The following EXTL3 variants were observed in gnomAD, a reference collection of about 807,000 sequenced individuals.
EXTL3 encodes the protein exostosin like glycosyltransferase 3.
A neutral mutation model predicts 69.3 loss-of-function variants in EXTL3; 27 were observed. The observed-to-expected ratio is 0.39, with a 90% CI of 0.29 to 0.54. The LOEUF (loss-of-function observed/expected upper bound fraction) is 0.54. Among genes scored for constraint, EXTL3 ranks in the 20% least tolerant of loss-of-function variants. The pLI is 0.69. For synonymous variants in EXTL3, 511 were observed against 499.4 expected (o/e 1.02, Z -0.31); for missense variants, 1,003 against 1,231.8 (o/e 0.81, Z 2.78).
At chr8:28,652,277 A>T (rs182113978) in intron 1 of EXTL3, among the ~76,000 whole-genome samples, 2 of 152,274 alleles carry the variant, frequency 1.3e-5, no homozygotes, top group South Asian at 2.1e-4. Flanking sequence ...TGTTTTCCAC[A>T]GTGGTTGCGT....
intron 1 of EXTL3, among the ~76,000 whole-genome samples, chr8:28,656,462 C>T (rs1032660054): frequency 6.6e-6 from 1 of 152,182 alleles, no homozygotes; most frequent in African/African-American, 2.4e-5. Flanking sequence ...TGCGCCCAAC[C>T]TGTTCAACTA....
chr8:28,619,845 CTTTTTTTTTTTTTTTTTTTTTTTTT>C (rs56276866), upstream of EXTL3, among the ~76,000 whole-genome samples: 30 of 50,852 alleles, frequency 5.9e-4, 2 homozygotes, highest in Admixed American at 3.5e-3. Context: ...GCTTCTGGTT[CTTTTTTTTTTTTTTTTTTTTTTTTT>C]TTTTTTTTTT....
At chr8:28,720,374 A>G (rs945347154) in intron 3 of EXTL3, among the ~76,000 whole-genome samples, 1 of 152,148 alleles carries the variant, frequency 6.6e-6, no homozygotes, top group Non-Finnish European at 1.5e-5. Context: ...GTGCCATTTC[A>G]GAAAGTGCTG....
chr8:28,637,854 T>C (rs1247407937), intron 1 of EXTL3, among the ~76,000 whole-genome samples: 1 of 152,140 alleles, frequency 6.6e-6, no homozygotes, highest in African/African-American at 2.4e-5. Flanking sequence ...ACCTCCTTCC[T>C]CCTCGGCTCC....
intron 5 of EXTL3, 112 bp from the exon 6 acceptor site, chr8:28,742,974 C>A: frequency 8.8e-7 from 1 of 1,139,782 alleles, no homozygotes; most frequent in Non-Finnish European, 1.3e-6. Flanking sequence ...CCAGTAATAC[C>A]TCCTAGTTAC....
chr8:28,654,521 C>T (rs757722188), intron 1 of EXTL3, among the ~76,000 whole-genome samples: 1 of 151,844 alleles, frequency 6.6e-6, no homozygotes, highest in Admixed American at 6.6e-5. Context: ...TAGGACTACT[C>T]ACCATCACTT....
At chr8:28,730,000 C>T (rs1049555071) in intron 3 of EXTL3, among the ~76,000 whole-genome samples, 1 of 152,074 alleles carries the variant, frequency 6.6e-6, no homozygotes, top group African/African-American at 2.4e-5. Context: ...TTTAAGTGTG[C>T]TAGAATGAAT....
At chr8:28,625,387 G>A (rs1428962930) in intron 1 of EXTL3, among the ~76,000 whole-genome samples, 2 of 152,212 alleles carry the variant, frequency 1.3e-5, no homozygotes, top group Non-Finnish European at 2.9e-5. Context: ...AAGGAACGCA[G>A]AAAGAACAAT....
At chr8:28,610,976 CAA>C (rs1806264860) in intron 2 of EXTL3, among the ~76,000 whole-genome samples, 1 of 152,156 alleles carries the variant, frequency 6.6e-6, no homozygotes, top group African/African-American at 2.4e-5. Flanking sequence ...CTCCTGATCT[CAA>C]GTGATCCATC....
intron 5 of EXTL3, chr8:28,742,701 A>G: frequency 3.0e-6 from 1 of 328,458 alleles, no homozygotes; most frequent in South Asian, 2.6e-5. Flanking sequence ...GAGGTCTGAG[A>G]AAATAACCAG....
chr8:28,710,535 A>G, intron 1 of EXTL3: 1 of 455,746 alleles, frequency 2.2e-6, no homozygotes, highest in Non-Finnish European at 4.4e-6. Flanking sequence ...GCTTCTGGAT[A>G]GGATTACCCT....
intron 1 of EXTL3, chr8:28,710,326 A>G (rs1801007989): frequency 2.8e-6 from 1 of 361,350 alleles, no homozygotes; most frequent in Admixed American, 3.6e-5. Flanking sequence ...AGGTGAAGGC[A>G]GAAAAGAGGT....
At chr8:28,632,397 A>G (rs1346930589) in intron 1 of EXTL3, among the ~76,000 whole-genome samples, 1 of 152,136 alleles carries the variant, frequency 6.6e-6, no homozygotes, top group Non-Finnish European at 1.5e-5. Context: ...CTTCATTTCA[A>G]AAAACAAAAG....
In EXTL3 at chr8:28,667,089, T is replaced by G. The variant is rs949639867; in HGVS notation, c.-53+44279T>G. Reference sequence around the variant, plus strand: ...GGGCGGCAAGGATGAAAGACTCTGGTTGTGCTAATGGAGCTCCCTCATTGT... The same window carrying G: ...GGGCGGCAAGGATGAAAGACTCTGGGTGTGCTAATGGAGCTCCCTCATTGT... On this transcript the variant is annotated intron_variant, in intron 1 of 6. Coordinates refer to the EXTL3 transcript ENST00000523149. 3.9e-5 allele frequency among the ~76,000 whole-genome samples: 6 copies of G among 152,298 alleles called. No homozygotes were observed. In the East Asian group the frequency reaches 1.2e-3, roughly 29 times the overall value.
intron 3 of EXTL3, among the ~76,000 whole-genome samples, chr8:28,729,173 T>C (rs141286532): frequency 0.017 from 2,501 of 151,080 alleles, 38 homozygotes; most frequent in Non-Finnish European, 0.024. Context: ...TATCTGCTTG[T>C]AGTTCCAGCT....
At position 28,750,298 on chromosome 8, in the gene EXTL3, C is replaced by G. The variant is rs937988689; in HGVS notation, c.2551-359C>G. Among the ~76,000 whole-genome samples, 1 of 152,134 alleles carries G rather than the reference C, an allele frequency of 6.6e-6. No individual in the cohort carries two copies. Among genetic ancestry groups the G allele is most frequent in the African/African-American group, 2.4e-5 (1 of 41,440 alleles). ...TACCCAAAGCCCCTCTTTGGGTAGT[C>G]TTCAATATTTTGATTCAAAACATTG... On this transcript the variant is annotated intron_variant, in intron 6 of 6. Coordinates refer to ENST00000220562, the MANE Select transcript of EXTL3 (RefSeq NM_001440.4). This position sits in a 1 kb window ranked among gnomAD's most constrained non-coding sequence, Gnocchi z 5.2.
chr8:28,664,614 G>A (rs751849263), intron 1 of EXTL3, among the ~76,000 whole-genome samples: 35 of 152,052 alleles, frequency 2.3e-4, no homozygotes, highest in Admixed American at 5.9e-4. Flanking sequence ...GAACTGTGTC[G>A]GATGATTCTT....
intron 1 of EXTL3, among the ~76,000 whole-genome samples, chr8:28,667,991 A>C (rs114815614): frequency 6.6e-6 from 1 of 152,038 alleles, no homozygotes; most frequent in Non-Finnish European, 1.5e-5. Flanking sequence ...GGGCAAGCTC[A>C]GTGACTCACG....
chr8:28,652,476 G>A (rs1806939668), intron 1 of EXTL3, among the ~76,000 whole-genome samples: 1 of 151,812 alleles, frequency 6.6e-6, no homozygotes, highest in Admixed American at 6.6e-5. Flanking sequence ...GCGCAACACA[G>A]GGAGGCCCCA....
Sources: gnomAD v4.1 joint callset for allele counts (sites outside exome capture counted in the v4.1 genomes callset) on GRCh38, gnomAD v4.1.1 for gene constraint, Gnocchi (gnomAD v3.1) non-coding constraint, MANE v1.5 for transcripts, NCBI Gene and HGNC (gene_info 2026-07-23, HGNC 2026-07-21) for gene names.